The following ABCC1 variants were observed in gnomAD, a reference collection of about 807,000 sequenced individuals.
The protein encoded by ABCC1 is ATP binding cassette subfamily C member 1 (ABCC1 blood group).
A neutral mutation model predicts 172.9 loss-of-function variants in ABCC1; 83 were observed. That is an observed-to-expected ratio of 0.48 (90% CI 0.40 to 0.58). ABCC1 has a LOEUF of 0.58. Among genes scored for constraint, ABCC1 ranks in the 20% least tolerant of loss-of-function variants. The pLI is 0.00. For missense variants in ABCC1, 1,817 were observed against 2,002.7 expected, an observed-to-expected ratio of 0.91 and a Z score of 1.77; for synonymous variants, 937 against 825.2, an observed-to-expected ratio of 1.14 and a Z score of -2.32.
intron 1 of ABCC1, among the ~76,000 whole-genome samples, chr16:15,970,820 C>T (rs1166559915): frequency 1.3e-5 from 2 of 152,106 alleles, no homozygotes; most frequent in African/African-American, 2.4e-5. Flanking sequence ...GTTTCAAACC[C>T]CTGAGCTCAA....
At chr16:16,021,439 A>C (rs11861837) in intron 5 of ABCC1, among the ~76,000 whole-genome samples, 1 of 152,092 alleles carries the variant, frequency 6.6e-6, no homozygotes, top group East Asian at 1.9e-4. Context: ...GTTCAAGGCC[A>C]GGTGTGGTGG....
chr16:15,955,707 G>T (rs2045981977), intron 1 of ABCC1, among the ~76,000 whole-genome samples: 1 of 151,534 alleles, frequency 6.6e-6, no homozygotes, highest in Non-Finnish European at 1.5e-5. Flanking sequence ...CCCTCCACTA[G>T]CAAATCTCTG....
intron 7 of ABCC1, among the ~76,000 whole-genome samples, chr16:16,042,518 C>T (rs979041371): frequency 2.0e-5 from 3 of 152,066 alleles, no homozygotes; most frequent in South Asian, 2.1e-4. Context: ...GCTTGGCTAA[C>T]ATGGTGAAAC....
In ABCC1 at chr16:16,016,742, T is replaced by C. The variant is rs371199538; in HGVS notation, c.615+121T>C. 2.3e-5 allele frequency: 32 copies of C among 1,382,248 alleles called. No homozygotes were observed. The African/African-American group carries it at 3.2e-4, about 14-fold the overall frequency. 85.6% of individuals were successfully genotyped at this position (1,382,248 alleles called of 1,614,324 possible). A position where few individuals can be genotyped will look rare whatever the true frequency, so the allele number is the denominator to read the frequency against. On this transcript the variant is annotated intron_variant, in intron 5 of 30. Transcript: ENST00000399410. The stretch of plus-strand genomic sequence containing the variant: ...CGTTCCAGCCTCCCTCAACCCCTGA[T>C]ACAGGGAATATCATCCCACCTACTT...
intron 18 of ABCC1, among the ~76,000 whole-genome samples, 189 bp from the exon 19 acceptor site, chr16:16,090,216 G>A (rs949277722): frequency 6.6e-6 from 1 of 152,304 alleles, no homozygotes; most frequent in Middle Eastern, 3.4e-3. Context: ...GCACATGCAT[G>A]TTACAGGACC....
intron 1 of ABCC1, among the ~76,000 whole-genome samples, chr16:15,998,063 C>G (rs933006640): frequency 3.3e-5 from 5 of 151,674 alleles, no homozygotes; most frequent in African/African-American, 1.2e-4. Context: ...CTCAAGTGAT[C>G]TGCCCTCCTC....
intron 10 of ABCC1, among the ~76,000 whole-genome samples, chr16:16,049,634 A>G (rs62031979): frequency 0.024 from 3,685 of 152,222 alleles, 58 homozygotes; most frequent in Non-Finnish European, 0.041. Flanking sequence ...TTGAGTCCCA[A>G]TAACTTTAGT....
chr16:16,125,570 A>C (rs1324689410), intron 25 of ABCC1, among the ~76,000 whole-genome samples: 38 of 151,984 alleles, frequency 2.5e-4, no homozygotes, highest in Non-Finnish European at 2.9e-5. Flanking sequence ...CTGGGTTTAC[A>C]GGTGTGCGTC....
At chr16:16,136,745 G>T in intron 29 of ABCC1, 101 bp downstream of exon 29, 1 of 1,355,700 alleles carries the variant, frequency 7.4e-7, no homozygotes, top group South Asian at 1.5e-5. Context: ...ACCTGGATTT[G>T]AGTCCCAGAT....
At chr16:16,111,809 G>A (rs886800151) in intron 22 of ABCC1, among the ~76,000 whole-genome samples, 1 of 152,178 alleles carries the variant, frequency 6.6e-6, no homozygotes, top group African/African-American at 2.4e-5. Flanking sequence ...GTGCTCCAGT[G>A]TGCCCATTTT....
chr16:16,029,516 G>T (rs1230811329), intron 5 of ABCC1, among the ~76,000 whole-genome samples: 1 of 152,122 alleles, frequency 6.6e-6, no homozygotes, highest in African/African-American at 2.4e-5. Flanking sequence ...GAGCCACTGC[G>T]CCCAGCTGCC....
chr16:16,118,911 A>G (rs1012884425), intron 23 of ABCC1, among the ~76,000 whole-genome samples: 2 of 151,138 alleles, frequency 1.3e-5, no homozygotes, highest in Admixed American at 6.6e-5. Flanking sequence ...AAAAAGAGCA[A>G]AGGCAGTGCT....
At chr16:16,039,823 G>A (rs2048903081) in intron 7 of ABCC1, among the ~76,000 whole-genome samples, 1 of 152,136 alleles carries the variant, frequency 6.6e-6, no homozygotes, top group South Asian at 2.1e-4. Flanking sequence ...GGGAAGGAAG[G>A]GCTTTCCAGG....
intron 14 of ABCC1, 76 bp from the exon 15 acceptor site, chr16:16,076,250 G>A (rs2050560551): frequency 7.0e-7 from 1 of 1,432,730 alleles, no homozygotes; most frequent in Non-Finnish European, 9.7e-7. Flanking sequence ...AACCATTCAA[G>A]CAGAGAAAGA....
chr16:15,996,463 G>A (rs1054683312), intron 1 of ABCC1, among the ~76,000 whole-genome samples: 1 of 152,200 alleles, frequency 6.6e-6, no homozygotes, highest in African/African-American at 2.4e-5. Flanking sequence ...GGGAGTGGAT[G>A]CTCAGGCCTC....
intron 6 of ABCC1, among the ~76,000 whole-genome samples, chr16:16,035,199 C>G (rs1247686465): frequency 2.0e-5 from 3 of 152,104 alleles, no homozygotes; most frequent in African/African-American, 4.8e-5. Flanking sequence ...GTCAGGAGTT[C>G]GAGACCAGCC....
chr16:15,982,803 C>CAAA (rs148834444), intron 1 of ABCC1, among the ~76,000 whole-genome samples: 1,937 of 43,094 alleles, frequency 0.045, 149 homozygotes, highest in Non-Finnish European at 0.057. Context: ...GAGACGCTGT[C>CAAA]AAAAAAAAAA....
At chr16:16,121,868 C>T (rs529429844) in intron 23 of ABCC1, 107 bp from the exon 24 acceptor site, 161 of 1,233,178 alleles carry the variant, frequency 1.3e-4, no homozygotes, top group Admixed American at 2.1e-4. Flanking sequence ...AACATTTTGC[C>T]TCCTGGAGGT....
chr16:16,073,052 A>ATAAT (rs199541643), intron 14 of ABCC1, among the ~76,000 whole-genome samples: 4 of 137,488 alleles, frequency 2.9e-5, no homozygotes, highest in East Asian at 2.1e-4. Flanking sequence ...AAAAAAAAAA[A>ATAAT]AAAAATAATA....
Sources: gnomAD v4.1 joint callset for allele counts (sites outside exome capture counted in the v4.1 genomes callset) on GRCh38, gnomAD v4.1.1 for gene constraint, MANE v1.5 for transcripts, NCBI Gene and HGNC (gene_info 2026-07-23, HGNC 2026-07-21) for gene names.